SLC16A9: variants seen among roughly 807,000 people sequenced by gnomAD.
SLC16A9 encodes solute carrier family 16 member 9.
A neutral mutation model predicts 44.3 loss-of-function variants in SLC16A9; 26 were observed. That is an observed-to-expected ratio of 0.59 (90% CI 0.43 to 0.81). The LOEUF is 0.81. SLC16A9 is among the 40% of genes least tolerant of loss of function. The pLI is 0.00. For synonymous variants in SLC16A9, 230 were observed against 225.1 expected (o/e 1.02, Z -0.19); for missense variants, 559 against 595.8 (o/e 0.94, Z 0.64).
At chr10:59,707,207 GAGAGAGAGA>G in intron 1 of SLC16A9, among the ~76,000 whole-genome samples, 1 of 146,834 alleles carries the variant, frequency 6.8e-6, no homozygotes, top group Non-Finnish European at 1.5e-5. Flanking sequence ...AGAAGAAAGA[GAGAGAGAGA>G]AGAGAGAGAA....
intron 1 of SLC16A9, among the ~76,000 whole-genome samples, chr10:59,704,289 C>G (rs1013677608): frequency 2.0e-5 from 3 of 152,204 alleles, no homozygotes; most frequent in Admixed American, 2.0e-4. Flanking sequence ...TACTACCCAA[C>G]CACTGCCCCC....
At chr10:59,701,216 C>T (rs1227855185) in intron 1 of SLC16A9, among the ~76,000 whole-genome samples, 1 of 152,162 alleles carries the variant, frequency 6.6e-6, no homozygotes, top group African/African-American at 2.4e-5. Context: ...CTCCAGCATC[C>T]TAGGGTCCCC....
intron 2 of SLC16A9, among the ~76,000 whole-genome samples, chr10:59,681,260 C>T (rs1193464252): frequency 6.6e-6 from 1 of 151,862 alleles, no homozygotes; most frequent in Non-Finnish European, 1.5e-5. Flanking sequence ...CACTGCCAGA[C>T]ACTGCTTGCT....
intron 2 of SLC16A9, among the ~76,000 whole-genome samples, chr10:59,682,760 A>G (rs1840049983): frequency 1.3e-5 from 2 of 152,198 alleles, no homozygotes; most frequent in Non-Finnish European, 2.9e-5. Context: ...CATTATTAAC[A>G]TATCAGTTAT....
At chr10:59,657,903 C>T (rs902314529) in intron 4 of SLC16A9, among the ~76,000 whole-genome samples, 3 of 152,116 alleles carry the variant, frequency 2.0e-5, no homozygotes, top group African/African-American at 7.2e-5. Context: ...CTAGTTCAGG[C>T]CGTGATAAGG....
intron 2 of SLC16A9, among the ~76,000 whole-genome samples, chr10:59,682,958 T>C (rs1840055878): frequency 6.6e-6 from 1 of 152,240 alleles, no homozygotes; most frequent in Admixed American, 6.5e-5. Flanking sequence ...AAGCCTTTTT[T>C]TCTTGTTTAT....
intron 1 of SLC16A9, among the ~76,000 whole-genome samples, chr10:59,695,157 T>C (rs1225546045): frequency 6.6e-6 from 1 of 151,934 alleles, no homozygotes; most frequent in Non-Finnish European, 1.5e-5. Flanking sequence ...TGGGAGGTTT[T>C]GGGGTAGGGA....
intron 3 of SLC16A9, among the ~76,000 whole-genome samples, chr10:59,666,861 T>C (rs1309548085): frequency 7.7e-6 from 1 of 130,332 alleles, no homozygotes; most frequent in Non-Finnish European, 1.6e-5. Context: ...ATAAAATTCA[T>C]ATTTTCCAGC....
chr10:59,669,939 C>T (rs1440721291), intron 3 of SLC16A9, among the ~76,000 whole-genome samples: 1 of 152,068 alleles, frequency 6.6e-6, no homozygotes, highest in Non-Finnish European at 1.5e-5. Flanking sequence ...GCTACAAAAA[C>T]CTAACAAAAC....
chr10:59,667,618 C>A (rs1428578990), intron 3 of SLC16A9, among the ~76,000 whole-genome samples: 1 of 152,112 alleles, frequency 6.6e-6, no homozygotes, highest in Non-Finnish European at 1.5e-5. Flanking sequence ...GTATAATCCT[C>A]ATAATCAAAA....
At chr10:59,705,477 T>C (rs955807174) in intron 1 of SLC16A9, among the ~76,000 whole-genome samples, 15 of 152,144 alleles carry the variant, frequency 9.9e-5, no homozygotes, top group African/African-American at 3.4e-4. Flanking sequence ...CTAGATAACA[T>C]AAGGCTATGT....
chr10:59,708,619 T>C (rs1840695123), intron 1 of SLC16A9: 2 of 152,208 alleles, frequency 1.3e-5, no homozygotes, highest in South Asian at 4.1e-4. Flanking sequence ...ATAAGTAATA[T>C]ATTTAGCGTA....
rs770439309 is a variant in SLC16A9, at chr10:59,654,358, T to C, written c.668A>G (p.Glu223Gly). 8 of 1,613,972 alleles carry C rather than the reference T, an allele frequency of 5.0e-6. No homozygotes were observed. The highest frequency in any genetic ancestry group is 6.8e-6 in the Non-Finnish European group (8 of 1,180,044). The change falls in exon 5 of 6, where the codon GAA (glutamate) becomes GGA (glycine). Residue 223 changes from glutamate (E) to glycine (G), a missense_variant. Glu to Gly is a moderately conservative substitution (Grantham distance 98, BLOSUM62 -2). Transcript: ENST00000395348. ...IYNEKGKNLE[E>G]NINILDKSYS... is the part of the protein sequence containing the mutation. Reference sequence around the variant, plus strand: ...GCTCTTGTCAAGAATGTTTATGTTTTCTTCCAGATTCTTTCCTTTTTCATT... The same window carrying C: ...GCTCTTGTCAAGAATGTTTATGTTTCCTTCCAGATTCTTTCCTTTTTCATT...
chr10:59,672,645 T>G (rs1839775499), intron 3 of SLC16A9, 125 bp downstream of exon 3: 3 of 966,948 alleles, frequency 3.1e-6, no homozygotes, highest in Non-Finnish European at 4.5e-6. Context: ...GAGAAGTGGT[T>G]ATTGAAAGTA....
chr10:59,694,373 GAA>G (rs1447487635), intron 1 of SLC16A9, among the ~76,000 whole-genome samples: 4 of 151,642 alleles, frequency 2.6e-5, no homozygotes, highest in Non-Finnish European at 5.9e-5. Context: ...AGTAAGAAAA[GAA>G]AAAAGAGGAT....
intron 1 of SLC16A9, among the ~76,000 whole-genome samples, chr10:59,690,900 A>C (rs546013910): frequency 1.0e-3 from 156 of 152,224 alleles, no homozygotes; most frequent in African/African-American, 3.4e-3. Context: ...CCTGGCCAAC[A>C]TGGCAAAACC....
chr10:59,676,217 G>T (rs1839855001), intron 2 of SLC16A9, among the ~76,000 whole-genome samples: 1 of 151,938 alleles, frequency 6.6e-6, no homozygotes, highest in African/African-American at 2.4e-5. Flanking sequence ...TTAGAACCTG[G>T]GTTTATTTAT....
intron 1 of SLC16A9, among the ~76,000 whole-genome samples, chr10:59,690,739 A>G (rs1338209333): frequency 6.6e-6 from 1 of 152,168 alleles, no homozygotes; most frequent in Non-Finnish European, 1.5e-5. Context: ...AATTGTTTCT[A>G]CATATTGTAG....
Position 59,654,444 on chromosome 10 carries a change from A to C in SLC16A9, c.582T>G (p.Ser194=). ...CTATTTTTTTAGGCAAAGGACAATC[A>C]GAAGATTGGAGGGGTCTCATCAGAC... ...CGSLMRPLQS[S]DCPLPKKIAP... The change falls in exon 5 of 6, where the codon TCT becomes TCG. Residue 194 remains serine, a synonymous_variant. Transcript: ENST00000395348. 6.2e-7 allele frequency: 1 copy of C among 1,613,518 alleles called. No homozygotes were observed. The highest frequency in any genetic ancestry group is 8.5e-7 in the Non-Finnish European group (1 of 1,180,030).
Sources: allele counts gnomAD v4.1 joint callset (sites outside exome capture counted in the v4.1 genomes callset), GRCh38; gene constraint gnomAD v4.1.1; transcripts MANE v1.5; gene names NCBI Gene and HGNC (gene_info 2026-07-23, HGNC 2026-07-21).